Variants in CDH2 observed in about 807,000 individuals in gnomAD.
CDH2 encodes cadherin-2.
CDH2 carries 17 observed loss-of-function variants against 92.0 expected under a neutral mutation model. That is an observed-to-expected ratio of 0.18 (90% CI 0.13 to 0.28). The LOEUF is 0.28. CDH2 is among the 10% of genes least tolerant of loss of function. The pLI is 1.00. For missense variants in CDH2, 862 were observed against 1,133.1 expected (o/e 0.76, Z 3.44); for synonymous variants, 419 against 415.9 (o/e 1.01, Z -0.09).
chr18:28,156,510 A>C (rs34615465), intron 1 of CDH2, among the ~76,000 whole-genome samples: 624 of 20,974 alleles, frequency 0.03, 4 homozygotes, highest in African/African-American at 0.036. Context: ...CCAGGTATAG[A>C]ATGTCACCTT....
chr18:28,034,465 C>T (rs766938957), intron 2 of CDH2, among the ~76,000 whole-genome samples: 1 of 151,844 alleles, frequency 6.6e-6, no homozygotes, highest in Non-Finnish European at 1.5e-5. Flanking sequence ...GTTATATATC[C>T]CAAAGCAAAG....
intron 14 of CDH2, among the ~76,000 whole-genome samples, chr18:27,975,928 C>T (rs2011812293): frequency 6.6e-6 from 1 of 152,158 alleles, no homozygotes; most frequent in Non-Finnish European, 1.5e-5. Flanking sequence ...CTCTCTGCCC[C>T]TCTCCTCTGC....
intron 2 of CDH2, among the ~76,000 whole-genome samples, chr18:28,083,643 T>G (rs1392207374): frequency 6.6e-6 from 1 of 152,188 alleles, no homozygotes; most frequent in Admixed American, 6.5e-5. Context: ...CAAGATTTAG[T>G]ACACTAGTTC....
chr18:28,010,708 C>T (rs1329519911), intron 4 of CDH2, among the ~76,000 whole-genome samples: 7 of 150,876 alleles, frequency 4.6e-5, no homozygotes, highest in Non-Finnish European at 4.4e-5. Context: ...CTCACTCTGT[C>T]GTCCAGGCTG....
intron 2 of CDH2, among the ~76,000 whole-genome samples, chr18:28,029,176 G>A (rs1012424064): frequency 3.3e-5 from 5 of 152,032 alleles, no homozygotes; most frequent in Non-Finnish European, 5.9e-5. Flanking sequence ...CTCAGACTCA[G>A]TTCAACTCAC....
At chr18:27,975,279 G>A (rs1385962907) in intron 14 of CDH2, among the ~76,000 whole-genome samples, 2 of 152,202 alleles carry the variant, frequency 1.3e-5, no homozygotes, top group African/African-American at 4.8e-5. Context: ...GAAAACTGAT[G>A]TGGAATCTTT....
intron 11 of CDH2, 71 bp from the exon 12 acceptor site, chr18:27,985,832 CT>C: frequency 1.1e-6 from 1 of 887,234 alleles, no homozygotes; most frequent in South Asian, 1.6e-5. Flanking sequence ...TGGTGAAATT[CT>C]CAAAGCTTCT....
intron 6 of CDH2, among the ~76,000 whole-genome samples, chr18:27,940,066 TG>T (rs1909101796): frequency 6.6e-6 from 1 of 152,216 alleles, no homozygotes; most frequent in Non-Finnish European, 1.5e-5. Context: ...TGACACTTCA[TG>T]GCAGCCCAAC....
At chr18:28,088,840 G>C (rs1321210927) in intron 2 of CDH2, among the ~76,000 whole-genome samples, 1 of 152,290 alleles carries the variant, frequency 6.6e-6, no homozygotes, top group East Asian at 1.9e-4. Context: ...AGTGGAGGCA[G>C]ATATTGCATA....
chr18:28,163,570 A>T (rs757764227), intron 1 of CDH2, among the ~76,000 whole-genome samples: 7 of 152,252 alleles, frequency 4.6e-5, no homozygotes, highest in Non-Finnish European at 1.0e-4. Context: ...GGCATGCATA[A>T]GAATGCTGAC....
chr18:28,057,169 C>T (rs1398090412), intron 2 of CDH2, among the ~76,000 whole-genome samples: 1 of 152,122 alleles, frequency 6.6e-6, no homozygotes, highest in Non-Finnish European at 1.5e-5. Flanking sequence ...CTGACAAGTA[C>T]AAGTTTCTGA....
At chr18:28,078,759 A>G (rs558382735) in intron 2 of CDH2, among the ~76,000 whole-genome samples, 3 of 152,128 alleles carry the variant, frequency 2.0e-5, no homozygotes, top group Admixed American at 2.0e-4. Flanking sequence ...TGTCCACACA[A>G]TAACAGTTTT....
At chr18:28,167,158 C>T (rs1407208372) in intron 1 of CDH2, among the ~76,000 whole-genome samples, 4 of 152,058 alleles carry the variant, frequency 2.6e-5, no homozygotes, top group Non-Finnish European at 4.4e-5. Flanking sequence ...TTAAAAACTT[C>T]AGGTCAGAAA....
chr18:28,047,953 A>G (rs1490593543), intron 2 of CDH2, among the ~76,000 whole-genome samples: 2 of 151,242 alleles, frequency 1.3e-5, no homozygotes. Context: ...ATGTTTTAAT[A>G]TTTAATGCTA....
At chr18:28,025,450 G>A (rs2013525174) in intron 2 of CDH2, among the ~76,000 whole-genome samples, 1 of 150,310 alleles carries the variant, frequency 6.7e-6, no homozygotes, top group Non-Finnish European at 1.5e-5. Flanking sequence ...TCTGGGAGGT[G>A]GAGGTTGCAG....
At chr18:28,038,787 T>C (rs1350628825) in intron 2 of CDH2, among the ~76,000 whole-genome samples, 5 of 152,172 alleles carry the variant, frequency 3.3e-5, no homozygotes, top group African/African-American at 9.6e-5. Flanking sequence ...TCTTTACTCA[T>C]GGATCTTTGA....
At chr18:27,978,847 G>A (rs1567946656) in intron 14 of CDH2, among the ~76,000 whole-genome samples, 1 of 151,592 alleles carries the variant, frequency 6.6e-6, no homozygotes. Flanking sequence ...TAAGAGATGT[G>A]GTCTTACTAT....
In CDH2 at chr18:28,150,036, T is replaced by TA. The variant is rs541694089; in HGVS notation, c.61-2253dup. 2.0e-3 allele frequency among the ~76,000 whole-genome samples: 299 copies of TA among 152,240 alleles called. 6 individuals are homozygous for TA. The highest frequency in any genetic ancestry group is 6.9e-3 in the African/African-American group (288 of 41,542). Reference sequence around the variant, plus strand: ...TGCCTGGCACAGTGCAGGCACTGAGTAAAGGAAAGCTTTTGCTTTTAGCTA... The same window carrying TA: ...TGCCTGGCACAGTGCAGGCACTGAGTAAAAGGAAAGCTTTTGCTTTTAGCTA... On this transcript the variant is annotated intron_variant, in intron 1 of 15. Transcript: ENST00000269141.
intron 2 of CDH2, among the ~76,000 whole-genome samples, chr18:28,097,664 A>G (rs1599098737): frequency 1.3e-5 from 2 of 152,348 alleles, no homozygotes; most frequent in East Asian, 3.9e-4. Context: ...CACATAGCTT[A>G]TATACAAATA....
Sources: gnomAD v4.1 joint callset for allele counts (sites outside exome capture counted in the v4.1 genomes callset) on GRCh38, gnomAD v4.1.1 for gene constraint, MANE v1.5 for transcripts, NCBI Gene and HGNC (gene_info 2026-07-23, HGNC 2026-07-21) for gene names.